Variants in PIWIL1 observed in about 807,000 individuals in gnomAD.
The protein encoded by PIWIL1 is piwi like RNA-mediated gene silencing 1, also known as piwi-like protein 1.
Under a neutral mutation model 114.4 loss-of-function variants are expected in PIWIL1, and 73 were observed. The ratio of observed to expected loss-of-function variants is 0.64; its 90% confidence interval spans 0.53 to 0.78. The LOEUF is 0.78. Ranked by LOEUF, PIWIL1 falls within the 30% of genes least tolerant of loss-of-function variation. The pLI, the probability that PIWIL1 is intolerant of heterozygous loss-of-function variation, is 0.00. For synonymous variants in PIWIL1, 375 were observed against 369.0 expected, an observed-to-expected ratio of 1.02 and a Z score of -0.19; for missense variants, 723 against 1,063.1, an observed-to-expected ratio of 0.68 and a Z score of 4.45.
the PIWIL1 span, among the ~76,000 whole-genome samples, chr12:130,420,308 C>T: frequency 1.3e-4 from 20 of 152,134 alleles, no homozygotes; most frequent in African/African-American, 4.6e-4. The surrounding 1 kb of genome is among the most constrained non-coding windows in gnomAD (Gnocchi z 4.3). Context: ...TCCCGGCTTG[C>T]TACATGATAA....
chr12:130,344,688 G>A (rs1241535445), intron 3 of PIWIL1, among the ~76,000 whole-genome samples: 2 of 152,144 alleles, frequency 1.3e-5, no homozygotes, highest in African/African-American at 2.4e-5. Context: ...CCATCATTAA[G>A]ACCTCTGTTT....
At chr12:130,359,742 T>C (rs965998754) in intron 14 of PIWIL1, among the ~76,000 whole-genome samples, 7 of 152,204 alleles carry the variant, frequency 4.6e-5, no homozygotes, top group Admixed American at 2.0e-4. Context: ...TTTTTATACC[T>C]GTAGCATAAA....
intron 16 of PIWIL1, 33 bp from the exon 17 acceptor site, chr12:130,362,733 A>G: frequency 1.3e-6 from 2 of 1,578,382 alleles, no homozygotes; most frequent in Non-Finnish European, 1.7e-6. Flanking sequence ...AGACAATTGC[A>G]TTCTTATTCT....
At chr12:130,408,968 C>G in the PIWIL1 span, among the ~76,000 whole-genome samples, 4 of 152,140 alleles carry the variant, frequency 2.6e-5, no homozygotes, top group African/African-American at 4.8e-5. Flanking sequence ...GACGCACACA[C>G]GCCTCTGTGC....
chr12:130,358,831 C>T (rs765713995), intron 14 of PIWIL1, among the ~76,000 whole-genome samples: 1 of 152,162 alleles, frequency 6.6e-6, no homozygotes, highest in Non-Finnish European at 1.5e-5. Context: ...GTTCCTGTCG[C>T]GTCCCCAGCA....
intron 1 of PIWIL1, chr12:130,339,312 G>A (rs2072830341): frequency 6.6e-6 from 1 of 152,238 alleles, no homozygotes; most frequent in South Asian, 2.1e-4. Flanking sequence ...CAGCCCCGGC[G>A]GCCTCCAGGG....
intron 3 of PIWIL1, 147 bp from the exon 4 acceptor site, chr12:130,345,606 A>C (rs752594145): frequency 2.4e-5 from 18 of 765,252 alleles, no homozygotes; most frequent in Non-Finnish European, 3.4e-5. Flanking sequence ...GCTGGCAGAT[A>C]CCTAAAACAT....
At chr12:130,368,912 C>T (rs1392289781) in intron 19 of PIWIL1, among the ~76,000 whole-genome samples, 5 of 151,306 alleles carry the variant, frequency 3.3e-5, no homozygotes, top group African/African-American at 1.2e-4. Context: ...TTTTAAGTTC[C>T]GAGACACACG....
At chr12:130,345,111 T>G (rs1425027060) in intron 3 of PIWIL1, among the ~76,000 whole-genome samples, 1 of 152,244 alleles carries the variant, frequency 6.6e-6, no homozygotes, top group Non-Finnish European at 1.5e-5. Context: ...ATCAAATGAC[T>G]TGAATAATTT....
rs770279078 is a variant in PIWIL1 at position 130,357,145 on chromosome 12, G to A, written c.1592+40G>A. 13 of 1,545,698 alleles carry A rather than the reference G, an allele frequency of 8.4e-6. No homozygotes were observed. The East Asian group carries it at 1.4e-4, about 16-fold the overall frequency. On this transcript the variant is annotated intron_variant, in intron 13 of 20. Transcript: ENST00000245255. Reference sequence around the variant, plus strand: ...TCATTTCTGCTCTGAAAATTGCTTGGCAGTCATTTGGAGGGGTGGGAACTA... The same window carrying A: ...TCATTTCTGCTCTGAAAATTGCTTGACAGTCATTTGGAGGGGTGGGAACTA...
At chr12:130,342,921 G>A in intron 2 of PIWIL1, 69 bp from the exon 3 acceptor site, 2 of 1,089,042 alleles carry the variant, frequency 1.8e-6, no homozygotes, top group East Asian at 2.4e-5. Context: ...TGAGACTTAA[G>A]ACTAGAAATT....
intron 6 of PIWIL1, among the ~76,000 whole-genome samples, chr12:130,347,798 G>A (rs557518014): frequency 4.6e-5 from 7 of 152,296 alleles, no homozygotes; most frequent in African/African-American, 1.4e-4. Flanking sequence ...CTACTGGACC[G>A]CCGAAACAGC....
the PIWIL1 span, among the ~76,000 whole-genome samples, chr12:130,392,257 CGT>C: frequency 1.9e-5 from 1 of 51,308 alleles, no homozygotes. Context: ...ACCGTCATCA[CGT>C]GTCCGTCAGT....
chr12:130,408,962 C>T, the PIWIL1 span, among the ~76,000 whole-genome samples: 1 of 152,184 alleles, frequency 6.6e-6, no homozygotes, highest in Non-Finnish European at 1.5e-5. Context: ...TTACAGGACG[C>T]ACACACGCCT....
At chr12:130,367,364 T>A in intron 19 of PIWIL1, 106 bp downstream of exon 19, 1 of 1,094,398 alleles carries the variant, frequency 9.1e-7, no homozygotes, top group Non-Finnish European at 1.3e-6. Context: ...TTTGTTCTTA[T>A]ATTTTTTATA....
chr12:130,399,942 C>T, the PIWIL1 span: 2 of 1,015,222 alleles, frequency 2.0e-6, no homozygotes, highest in Non-Finnish European at 2.8e-6. Context: ...AGTGGCAGGA[C>T]TTGAAAGGAC....
At chr12:130,413,599 C>T in the PIWIL1 span, among the ~76,000 whole-genome samples, 3 of 136,640 alleles carry the variant, frequency 2.2e-5, no homozygotes, top group African/African-American at 5.5e-5. Flanking sequence ...TGCCACTGTA[C>T]TCCAGCCTGG....
chr12:130,361,094 C>A, intron 14 of PIWIL1, 86 bp from the exon 15 acceptor site: 1 of 1,102,330 alleles, frequency 9.1e-7, no homozygotes, highest in Non-Finnish European at 1.3e-6. Context: ...ATTGATACTT[C>A]ACAGGTGAGT....
At chr12:130,402,556 T>C in the PIWIL1 span, among the ~76,000 whole-genome samples, 1 of 152,118 alleles carries the variant, frequency 6.6e-6, no homozygotes, top group Non-Finnish European at 1.5e-5. Context: ...TAACTTTCTC[T>C]AAAAAAATTT....
Sources: allele counts gnomAD v4.1 joint callset (sites outside exome capture counted in the v4.1 genomes callset), GRCh38; gene constraint gnomAD v4.1.1; non-coding constraint Gnocchi (gnomAD v3.1); transcripts MANE v1.5; gene names NCBI Gene and HGNC (gene_info 2026-07-23, HGNC 2026-07-21).